The following IFT56 variants were observed in gnomAD, a reference collection of about 807,000 sequenced individuals.
IFT56 encodes the protein intraflagellar transport 56.
chr7:139,148,040 A>T, the IFT56 span, among the ~76,000 whole-genome samples: 1 of 152,174 alleles, frequency 6.6e-6, no homozygotes, highest in Non-Finnish European at 1.5e-5. Context: ...AAACACCCAA[A>T]TATTGCAATG....
the IFT56 span, chr7:139,137,959 T>G: frequency 6.7e-7 from 1 of 1,497,410 alleles, no homozygotes; most frequent in South Asian, 1.2e-5. Flanking sequence ...AAAAAAGTTT[T>G]TTTCCTAACA....
At chr7:139,154,906 C>G in the IFT56 span, among the ~76,000 whole-genome samples, 1 of 152,102 alleles carries the variant, frequency 6.6e-6, no homozygotes, top group Non-Finnish European at 1.5e-5. Context: ...CATTAAAGAT[C>G]AGTTTTGGGA....
chr7:139,148,185 C>T, the IFT56 span: 1 of 1,587,544 alleles, frequency 6.3e-7, no homozygotes, highest in Non-Finnish European at 8.6e-7. Context: ...AATGGTTAAC[C>T]CTAATTCTTT....
chr7:139,161,067 C>T, the IFT56 span: 3 of 1,519,428 alleles, frequency 2.0e-6, no homozygotes, highest in East Asian at 2.3e-5. Flanking sequence ...TCCTACTCTG[C>T]TTTGGTACAT....
chr7:139,173,155 A>T, the IFT56 span: 1 of 650,844 alleles, frequency 1.5e-6, no homozygotes, highest in Non-Finnish European at 2.8e-6. Flanking sequence ...GCTGGGAGAG[A>T]GTTCCTCCTG....
chr7:139,148,402 T>C, the IFT56 span: 2 of 1,589,122 alleles, frequency 1.3e-6, no homozygotes, highest in South Asian at 2.2e-5. Context: ...GTGTTTTTAA[T>C]GTACTTCATT....
chr7:139,189,244 G>A, the IFT56 span: 2 of 1,084,606 alleles, frequency 1.8e-6, no homozygotes, highest in Non-Finnish European at 2.7e-6. Flanking sequence ...CAGTATGAAG[G>A]ACAGTTCAGA....
chr7:139,177,351 T>G, the IFT56 span, among the ~76,000 whole-genome samples: 10 of 151,560 alleles, frequency 6.6e-5, no homozygotes, highest in African/African-American at 2.4e-4. Context: ...TTAGTATAAC[T>G]CCCACCCTTG....
At chr7:139,173,444 G>T in the IFT56 span, 1 of 575,020 alleles carries the variant, frequency 1.7e-6, no homozygotes, top group Non-Finnish European at 3.1e-6. Context: ...GGCCAGGCTG[G>T]TCTCCAACTC....
the IFT56 span, among the ~76,000 whole-genome samples, chr7:139,160,114 TA>T: frequency 1.3e-4 from 20 of 151,552 alleles, no homozygotes; most frequent in African/African-American, 2.9e-4. Context: ...AGAAGAGTGA[TA>T]AAAAAAAATT....
chr7:139,172,390 G>C, the IFT56 span: 1 of 343,624 alleles, frequency 2.9e-6, no homozygotes, highest in South Asian at 2.5e-5. Context: ...ACCTCTGTCA[G>C]AGCCGCCAGG....
At chr7:139,178,543 A>G in the IFT56 span, 4 of 1,614,038 alleles carry the variant, frequency 2.5e-6, no homozygotes, top group African/African-American at 5.3e-5. Flanking sequence ...GACATCTTTA[A>G]CTTTAATTAT....
the IFT56 span, chr7:139,173,803 T>TA: frequency 2.7e-6 from 2 of 739,662 alleles, no homozygotes; most frequent in Non-Finnish European, 5.0e-6. Flanking sequence ...TTCCTCCTGT[T>TA]AATGTAATAA....
the IFT56 span, among the ~76,000 whole-genome samples, chr7:139,161,570 G>A: frequency 1.3e-5 from 2 of 152,306 alleles, no homozygotes; most frequent in African/African-American, 4.8e-5. Context: ...TCAGATACCT[G>A]GGAGCACTGG....
At chr7:139,177,244 A>G in the IFT56 span, among the ~76,000 whole-genome samples, 1 of 151,080 alleles carries the variant, frequency 6.6e-6, no homozygotes, top group African/African-American at 2.4e-5. Flanking sequence ...GTGTGTATAT[A>G]TATATATTTA....
At chr7:139,172,873 A>C in the IFT56 span, 1 of 688,892 alleles carries the variant, frequency 1.5e-6, no homozygotes, top group Non-Finnish European at 2.8e-6. Flanking sequence ...AGTCAGAGGA[A>C]TAGGTGAAGA....
chr7:139,181,493 G>T, the IFT56 span, among the ~76,000 whole-genome samples: 1 of 152,190 alleles, frequency 6.6e-6, no homozygotes, highest in South Asian at 2.1e-4. Context: ...TTGGAAATTT[G>T]GTTCTGAAGC....
chr7:139,187,671 G>C, the IFT56 span: 2 of 1,174,344 alleles, frequency 1.7e-6, no homozygotes, highest in Non-Finnish European at 2.4e-6. Flanking sequence ...AAAAAAGGTT[G>C]ATATTAAATA....
At chr7:139,147,299 C>A in the IFT56 span, 2 of 1,587,190 alleles carry the variant, frequency 1.3e-6, no homozygotes, top group Non-Finnish European at 1.7e-6. Context: ...AGGTCTGTGT[C>A]CTTTTATGCC....
Sources: allele counts gnomAD v4.1 joint callset (sites outside exome capture counted in the v4.1 genomes callset), GRCh38; gene constraint gnomAD v4.1.1; transcripts MANE v1.5; gene names NCBI Gene and HGNC (gene_info 2026-07-23, HGNC 2026-07-21).